ADGRD1: variants seen among roughly 807,000 people sequenced by gnomAD.
ADGRD1 encodes the protein G-protein coupled receptor 133.
A neutral mutation model predicts 113.4 loss-of-function variants in ADGRD1; 77 were observed. The ratio of observed to expected loss-of-function variants is 0.68; its 90% confidence interval spans 0.57 to 0.82. The LOEUF is 0.82. ADGRD1 is among the 40% of genes least tolerant of loss of function. ADGRD1 has a pLI of 0.00. For missense variants in ADGRD1, 1,036 were observed against 1,139.1 expected (o/e 0.91, Z 1.30); for synonymous variants, 474 against 475.0 (o/e 1.00, Z 0.03).
chr12:131,030,982 C>T (rs1035381509), intron 13 of ADGRD1, among the ~76,000 whole-genome samples: 3 of 152,074 alleles, frequency 2.0e-5, no homozygotes, highest in African/African-American at 2.4e-5. Flanking sequence ...GAGGAGCACT[C>T]GCCCACAGCC....
intron 5 of ADGRD1, among the ~76,000 whole-genome samples, chr12:130,985,890 G>C (rs551562066): frequency 6.6e-6 from 1 of 152,144 alleles, no homozygotes; most frequent in Non-Finnish European, 1.5e-5. Context: ...ATATTCAGTT[G>C]TTGCAGCACC....
chr12:131,105,876 G>T lies in ADGRD1; in HGVS notation c.1887+11G>T. 6.4e-7 allele frequency: 1 copy of T among 1,573,056 alleles called. No individual in the cohort carries two copies. The highest frequency in any genetic ancestry group is 1.3e-5 in the African/African-American group (1 of 74,612). On this transcript the variant is annotated intron_variant, in intron 17 of 24. Coordinates refer to ENST00000261654, the MANE Select transcript of ADGRD1 (RefSeq NM_198827.5). Reference sequence around the variant, plus strand: ...CTCGAGCCGGGCACGGTGAGTGGGCGCAGCTCCGTGTTCCTGCGCTGTCCT... The same window carrying T: ...CTCGAGCCGGGCACGGTGAGTGGGCTCAGCTCCGTGTTCCTGCGCTGTCCT...
At chr12:131,137,884 A>T (rs936292440) in intron 23 of ADGRD1, 25 of 314,730 alleles carry the variant, frequency 7.9e-5, no homozygotes, top group African/African-American at 5.9e-4. Context: ...ACCCCGGGAC[A>T]TTCATTGCTG....
At chr12:131,101,437 AG>A (rs1950085085) in intron 15 of ADGRD1, among the ~76,000 whole-genome samples, 1 of 116,588 alleles carries the variant, frequency 8.6e-6, no homozygotes, top group African/African-American at 3.6e-5. Flanking sequence ...CCCAGGCTGG[AG>A]TGCAAGTGGC....
intron 18 of ADGRD1, among the ~76,000 whole-genome samples, chr12:131,114,221 G>A (rs1950411512): frequency 6.6e-6 from 1 of 152,108 alleles, no homozygotes; most frequent in Non-Finnish European, 1.5e-5. Flanking sequence ...CAATGCTGGA[G>A]GGAAAAAATG....
Position 131,139,514 on chromosome 12 carries a change from G to A in ADGRD1, c.*251G>A. ...CCGTGGGCTGAGTGACTTCCTCGGG[G>A]GATTCCCAGGACACAGTGGCCTGAC... On this transcript the variant is annotated 3_prime_UTR_variant, in exon 25 of 25. Transcript: ENST00000261654. 2.1e-6 allele frequency: 1 copy of A among 472,418 alleles called. No homozygotes were observed. Among genetic ancestry groups the A allele is most frequent in the Non-Finnish European group, 3.9e-6 (1 of 256,706 alleles). The allele number at this position is 472,418 out of a possible 1,614,324, so 29.3% of individuals were successfully genotyped here. A position where few individuals can be genotyped will look rare whatever the true frequency, so the allele number is the denominator to read the frequency against.
At chr12:130,968,718 C>T in intron 3 of ADGRD1, 1 of 495,810 alleles carries the variant, frequency 2.0e-6, no homozygotes, top group South Asian at 2.5e-5. Flanking sequence ...AAAATTAGAA[C>T]TATCGCTTGC....
At chr12:131,086,770 G>A (rs771816206) in intron 15 of ADGRD1, among the ~76,000 whole-genome samples, 1 of 152,220 alleles carries the variant, frequency 6.6e-6, no homozygotes, top group East Asian at 1.9e-4. Flanking sequence ...TGCAGAAGAC[G>A]CCAGAGGGAA....
intron 15 of ADGRD1, among the ~76,000 whole-genome samples, chr12:131,089,289 G>A (rs1458153627): frequency 6.6e-6 from 1 of 152,214 alleles, no homozygotes; most frequent in Non-Finnish European, 1.5e-5. Context: ...TTAAAAAGGA[G>A]CCCGAACCAA....
Position 131,031,489 on chromosome 12 carries a change from C to T in ADGRD1, c.1473+17149C>T, listed in dbSNP as rs529871086. Among the ~76,000 whole-genome samples, 62 of 152,206 alleles carry T rather than the reference C, an allele frequency of 4.1e-4. No homozygotes were observed. In the South Asian group the frequency reaches 7.7e-3, roughly 19 times the overall value. On this transcript the variant is annotated intron_variant, in intron 13 of 24. Transcript: ENST00000261654. ...TCCCTCACCCATGCGGTTCTGTCGA[C>T]GAGTCACCCATTGCTCACAGCTTCT...
At chr12:130,999,101 A>G (rs1876001876) in intron 8 of ADGRD1, among the ~76,000 whole-genome samples, 1 of 152,260 alleles carries the variant, frequency 6.6e-6, no homozygotes, top group African/African-American at 2.4e-5. Context: ...TAGAAAATTT[A>G]AAATGATAGA....
intron 2 of ADGRD1, among the ~76,000 whole-genome samples, chr12:130,958,488 CCG>C (rs1403878105): frequency 1.3e-5 from 2 of 152,180 alleles, no homozygotes; most frequent in African/African-American, 2.4e-5. Context: ...GTGTGAGCCA[CCG>C]CACCCAGCCC....
At chr12:131,046,978 G>T (rs1327379361) in intron 13 of ADGRD1, among the ~76,000 whole-genome samples, 2 of 146,736 alleles carry the variant, frequency 1.4e-5, no homozygotes, top group Non-Finnish European at 3.0e-5. Context: ...CTCCCTCCCT[G>T]GTCAGCGCTC....
chr12:131,014,088 A>G lies in ADGRD1; in HGVS notation c.1332-111A>G, dbSNP rs143223795. 23 of 1,056,932 alleles carry G rather than the reference A, an allele frequency of 2.2e-5. No individual in the cohort carries two copies. In the African/African-American group the frequency reaches 2.9e-4, roughly 13 times the overall value. 65.5% of individuals were successfully genotyped at this position (1,056,932 alleles called of 1,614,324 possible). On this transcript the variant is annotated intron_variant, in intron 12 of 24. Coordinates refer to ENST00000261654, the MANE Select transcript of ADGRD1 (RefSeq NM_198827.5). Reference sequence around the variant, plus strand: ...AAGAAATCAAAGCTTCATCCAAAGAAGATTTCCGTCTCAATAGTTTTGGGT... The same window carrying G: ...AAGAAATCAAAGCTTCATCCAAAGAGGATTTCCGTCTCAATAGTTTTGGGT...
intron 4 of ADGRD1, among the ~76,000 whole-genome samples, chr12:130,973,657 A>G (rs1871956552): frequency 6.6e-6 from 1 of 152,164 alleles, no homozygotes; most frequent in Admixed American, 6.5e-5. Context: ...TGCCCCCAAC[A>G]TGAGACACAC....
At chr12:130,987,534 TA>T (rs1488031761) in intron 6 of ADGRD1, 185 bp downstream of exon 6, 1 of 628,352 alleles carries the variant, frequency 1.6e-6, no homozygotes, top group Non-Finnish European at 2.8e-6. Context: ...GAGGAGTTAA[TA>T]ATTTACTAGA....
chr12:131,129,337 CCTCCTGTCTGGGTGTGAGTGACAGGCTG>C (rs1950844383), intron 20 of ADGRD1, among the ~76,000 whole-genome samples: 1 of 138,310 alleles, frequency 7.2e-6, no homozygotes, highest in Admixed American at 7.0e-5. Context: ...ACAGGCCTGC[CCTCCTGTCTGGGTGTGAGTGACAGGCTG>C]GCCCTCCTGT....
chr12:131,139,185 A>C lies in ADGRD1; in HGVS notation c.2547A>C (p.Pro849=), dbSNP rs7303435. ...CTTTGCAGATGAATGGGACCCGGCC[A>C]GGCATGGCCTCCACCAAGCTCAGCC... The part of the protein sequence containing the change: ...FHSDLMNGTR[P]GMASTKLSPW... Residue 849 remains proline (P), a synonymous_variant, in exon 25 of 25, where the codon CCA becomes CCC. Transcript: ENST00000261654. The C allele has an allele frequency of 8.8e-3, 14,216 of 1,613,002 alleles. 770 individuals carry two copies. In the African/African-American group the frequency reaches 0.13, roughly 14 times the overall value.
chr12:131,036,887 G>T (rs1305404323), intron 13 of ADGRD1, among the ~76,000 whole-genome samples: 1 of 147,856 alleles, frequency 6.8e-6, no homozygotes, highest in African/African-American at 2.5e-5. Context: ...TCACTGCACT[G>T]GGTCTTACTC....
Sources: gnomAD v4.1 joint callset for allele counts (sites outside exome capture counted in the v4.1 genomes callset) on GRCh38, gnomAD v4.1.1 for gene constraint, MANE v1.5 for transcripts, NCBI Gene and HGNC (gene_info 2026-07-23, HGNC 2026-07-21) for gene names.